The following AKAP10 variants were observed in gnomAD, a reference collection of about 807,000 sequenced individuals.
AKAP10 encodes the protein A-kinase anchoring protein 10, also known as A-kinase anchor protein 10, mitochondrial.
AKAP10 carries 24 observed loss-of-function variants against 80.8 expected under a neutral mutation model. The observed-to-expected ratio is 0.30, with a 90% CI of 0.22 to 0.42. The LOEUF (loss-of-function observed/expected upper bound fraction) is 0.42, where lower values mean the gene tolerates loss of function less well. Ranked by LOEUF, AKAP10 falls within the 10% of genes least tolerant of loss-of-function variation. The pLI, the probability that AKAP10 is intolerant of heterozygous loss-of-function variation, is 1.00. For missense variants in AKAP10, 661 were observed against 794.9 expected (o/e 0.83, Z 2.03); for synonymous variants, 291 against 277.7 (o/e 1.05, Z -0.48).
intron 10 of AKAP10, among the ~76,000 whole-genome samples, chr17:19,930,184 T>C (rs528412489): frequency 7.2e-5 from 11 of 152,278 alleles, no homozygotes; most frequent in East Asian, 3.9e-4. Flanking sequence ...AGGCCCAGTA[T>C]TGAAAATTCA....
At chr17:19,928,297 G>A (rs1000771368) in intron 10 of AKAP10, among the ~76,000 whole-genome samples, 1 of 152,030 alleles carries the variant, frequency 6.6e-6, no homozygotes, top group African/African-American at 2.4e-5. Flanking sequence ...TCCAAAGCTA[G>A]AACAAAGGCC....
In AKAP10 at chr17:19,936,854, A is replaced by G. The variant is rs187753560; in HGVS notation, c.1323-424T>C. ...CTGAGAACTTGTATGCACAGAATAA[A>G]ATAAGAACACATCATCATAACTACA... On this transcript the variant is annotated intron_variant, in intron 8 of 14. Transcript: ENST00000225737. 1.3e-3 allele frequency among the ~76,000 whole-genome samples: 204 copies of G among 152,338 alleles called. 2 individuals are homozygous for G. Among genetic ancestry groups the G allele is most frequent in the Non-Finnish European group, 6.9e-4 (47 of 68,022 alleles).
At chr17:19,938,379 G>C (rs910354775) in intron 8 of AKAP10, among the ~76,000 whole-genome samples, 34 of 152,006 alleles carry the variant, frequency 2.2e-4, no homozygotes, top group African/African-American at 7.7e-4. Flanking sequence ...TGGGATTACA[G>C]GTGTGTGCCA....
intron 9 of AKAP10, among the ~76,000 whole-genome samples, chr17:19,933,308 C>T (rs1320799412): frequency 3.9e-5 from 6 of 152,146 alleles, no homozygotes; most frequent in Admixed American, 6.6e-5. Flanking sequence ...CGTGAGCCAC[C>T]GTGCCCGGCC....
At chr17:19,921,435 C>T (rs1200179388) in intron 11 of AKAP10, among the ~76,000 whole-genome samples, 2 of 151,748 alleles carry the variant, frequency 1.3e-5, no homozygotes, top group African/African-American at 2.4e-5. Flanking sequence ...GGATTACAGG[C>T]GTGAGCCACT....
At chr17:19,916,801 G>A (rs2042748133) in intron 12 of AKAP10, among the ~76,000 whole-genome samples, 1 of 151,828 alleles carries the variant, frequency 6.6e-6, no homozygotes, top group Non-Finnish European at 1.5e-5. Flanking sequence ...GCCGGGCGTG[G>A]TGGCGAGCGC....
At chr17:19,909,064 A>G (rs2042662535) in intron 14 of AKAP10, 117 bp downstream of exon 14, 3 of 759,312 alleles carry the variant, frequency 4.0e-6, no homozygotes, top group Non-Finnish European at 6.1e-6. Flanking sequence ...TTATGATAAG[A>G]AGGTAATCCC....
chr17:19,943,333 C>A (rs146540675), intron 5 of AKAP10, among the ~76,000 whole-genome samples: 138 of 152,284 alleles, frequency 9.1e-4, no homozygotes, highest in African/African-American at 3.2e-3. Context: ...CAGAATTACA[C>A]GTTTGGGACT....
At chr17:19,950,758 G>A (rs1307836766) in intron 4 of AKAP10, among the ~76,000 whole-genome samples, 3 of 152,036 alleles carry the variant, frequency 2.0e-5, no homozygotes, top group Non-Finnish European at 4.4e-5. Context: ...GAGCGTCTCT[G>A]CCTAGCCGCC....
Position 19,936,434 on chromosome 17 carries a change from T to A in AKAP10, c.1323-4A>T. The stretch of plus-strand genomic sequence containing the variant: ...TGTGGCTTGGAGGGAGAAGTACCTA[T>A]GGTAAAAAGATATCCGAAGTAAAAT... On this transcript the variant is annotated splice_polypyrimidine_tract_variant and splice_region_variant and intron_variant, in intron 8 of 14. Coordinates refer to ENST00000225737, the MANE Select transcript of AKAP10 (RefSeq NM_007202.4). 1 of 1,596,242 alleles carries A rather than the reference T, an allele frequency of 6.3e-7. No homozygotes were observed. Among genetic ancestry groups the A allele is most frequent in the African/African-American group, 1.3e-5 (1 of 74,476 alleles).
At chr17:19,946,975 C>T (rs1300660219) in intron 5 of AKAP10, among the ~76,000 whole-genome samples, 2 of 152,180 alleles carry the variant, frequency 1.3e-5, no homozygotes, top group Non-Finnish European at 2.9e-5. Context: ...GCCCACTGGT[C>T]GTGAGACTCT....
At chr17:19,965,094 A>G (rs1306257256) in intron 2 of AKAP10, among the ~76,000 whole-genome samples, 1 of 152,182 alleles carries the variant, frequency 6.6e-6, no homozygotes, top group Non-Finnish European at 1.5e-5. Context: ...GCTACTAAGC[A>G]TTCCCACCCA....
chr17:19,967,700 C>T (rs369594476), intron 2 of AKAP10, among the ~76,000 whole-genome samples: 41 of 151,326 alleles, frequency 2.7e-4, no homozygotes, highest in African/African-American at 9.7e-4. Flanking sequence ...CTGGCCAACA[C>T]GGTGAAACCC....
In AKAP10 at chr17:19,941,819, A is replaced by C; in HGVS notation, c.1061+7T>G. ...GATGCACAATGTGAAAATATGAACT[A>C]ACTTACTCTTGCTCCATTGCACTAA... is the stretch of plus-strand genomic sequence containing the variant. On this transcript the variant is annotated splice_region_variant and intron_variant, in intron 6 of 14. Transcript: ENST00000225737. The C allele has an allele frequency of 6.3e-7, 1 of 1,580,110 alleles. No homozygotes were observed. Among genetic ancestry groups the C allele is most frequent in the Non-Finnish European group, 8.6e-7 (1 of 1,162,658 alleles).
chr17:19,922,894 C>T (rs539048403), intron 11 of AKAP10, among the ~76,000 whole-genome samples: 29 of 152,122 alleles, frequency 1.9e-4, no homozygotes, highest in Middle Eastern at 3.4e-3. Flanking sequence ...AGCGAGACTC[C>T]GTCTCAAAAA....
intron 9 of AKAP10, among the ~76,000 whole-genome samples, chr17:19,934,666 G>A (rs1415923113): frequency 6.6e-6 from 1 of 152,096 alleles, no homozygotes; most frequent in Non-Finnish European, 1.5e-5. Flanking sequence ...GTAACTTTGA[G>A]GTAAACGTGC....
chr17:19,922,521 C>T (rs547634130), intron 11 of AKAP10, among the ~76,000 whole-genome samples: 5 of 152,208 alleles, frequency 3.3e-5, no homozygotes, highest in Non-Finnish European at 7.3e-5. Flanking sequence ...GCTGGGATTA[C>T]AAGTGTGAGC....
At chr17:19,942,004 ATAAAT>A in intron 5 of AKAP10, 94 bp from the exon 6 acceptor site, 1 of 937,844 alleles carries the variant, frequency 1.1e-6, no homozygotes, top group Non-Finnish European at 1.5e-6. Context: ...GCACAGGCAT[ATAAAT>A]TAAGAGGTTT....
chr17:19,911,022 T>C (rs1368471760), intron 12 of AKAP10, among the ~76,000 whole-genome samples: 2 of 152,374 alleles, frequency 1.3e-5, no homozygotes, highest in Admixed American at 1.3e-4. Flanking sequence ...TGGTAGATTA[T>C]TTCTTGAGGC....
Sources: gnomAD v4.1 joint callset for allele counts (sites outside exome capture counted in the v4.1 genomes callset) on GRCh38, gnomAD v4.1.1 for gene constraint, MANE v1.5 for transcripts, NCBI Gene and HGNC (gene_info 2026-07-23, HGNC 2026-07-21) for gene names.